Variants in PHF14 observed in about 807,000 individuals in gnomAD.
The protein encoded by PHF14 is PHD finger protein 14.
In PHF14, 55 loss-of-function variants were observed where a neutral mutation model predicts 117.9. The ratio of observed to expected loss-of-function variants is 0.47; its 90% CI spans 0.38 to 0.58. The LOEUF (loss-of-function observed/expected upper bound fraction) is 0.58. Among genes scored for constraint, PHF14 ranks in the 20% least tolerant of loss-of-function variants. PHF14 has a pLI of 0.00. For missense variants in PHF14, 978 were observed against 1,122.2 expected (o/e 0.87, Z 1.84); for synonymous variants, 409 against 368.6 (o/e 1.11, Z -1.26).
intron 3 of PHF14, among the ~76,000 whole-genome samples, chr7:10,987,496 G>A (rs1218478609): frequency 6.6e-6 from 1 of 151,916 alleles, no homozygotes; most frequent in Non-Finnish European, 1.5e-5. Context: ...TATCATTTTG[G>A]GGGTAAGTTT....
chr7:11,037,628 C>T (rs1422270668), intron 10 of PHF14, among the ~76,000 whole-genome samples: 4 of 151,896 alleles, frequency 2.6e-5, no homozygotes, highest in Non-Finnish European at 5.9e-5. Flanking sequence ...TTTCATGTAC[C>T]TCTTCATCGT....
chr7:11,085,975 A>G (rs980770571), intron 16 of PHF14, among the ~76,000 whole-genome samples: 1 of 152,106 alleles, frequency 6.6e-6, no homozygotes, highest in Admixed American at 6.5e-5. Context: ...ATTAGTTGTA[A>G]CTTGTCTAGT....
At chr7:11,157,630 C>G (rs1788904301) in intron 17 of PHF14, among the ~76,000 whole-genome samples, 2 of 152,106 alleles carry the variant, frequency 1.3e-5, no homozygotes, top group Non-Finnish European at 1.5e-5. Flanking sequence ...AAAAATGGAT[C>G]ATATTACATT....
At chr7:11,143,155 A>G (rs1290673916) in intron 17 of PHF14, among the ~76,000 whole-genome samples, 3 of 152,210 alleles carry the variant, frequency 2.0e-5, no homozygotes, top group African/African-American at 4.8e-5. Flanking sequence ...ACAAAATTGT[A>G]TTGAACTATG....
chr7:11,025,794 CA>C (rs200869700), intron 6 of PHF14, among the ~76,000 whole-genome samples: 3 of 146,772 alleles, frequency 2.0e-5, no homozygotes, highest in Admixed American at 1.4e-4. Context: ...GACTCCGTCT[CA>C]AAAAAAAAGA....
chr7:10,988,118 T>A (rs1165434818), intron 3 of PHF14, among the ~76,000 whole-genome samples: 2 of 152,110 alleles, frequency 1.3e-5, no homozygotes, highest in Non-Finnish European at 2.9e-5. Flanking sequence ...CATTGTCTGC[T>A]AGCCATTTAG....
chr7:11,031,667 T>A (rs963252322), intron 7 of PHF14, among the ~76,000 whole-genome samples: 1 of 151,548 alleles, frequency 6.6e-6, no homozygotes, highest in Non-Finnish European at 1.5e-5. Context: ...GGTGAGAGGA[T>A]CACATATACC....
At chr7:11,120,548 T>G (rs1003522749) in intron 17 of PHF14, among the ~76,000 whole-genome samples, 2 of 152,056 alleles carry the variant, frequency 1.3e-5, no homozygotes, top group African/African-American at 4.8e-5. Context: ...AATGTCCATT[T>G]GTTATAATTT....
rs1788057713 is a variant in PHF14 at position 11,130,250 on chromosome 7, A to AT, written c.2772+18783_2772+18784insT. Among the ~76,000 whole-genome samples, 1 of 152,018 alleles carries AT rather than the reference A, an allele frequency of 6.6e-6. No homozygotes were observed. The highest frequency in any genetic ancestry group is 2.4e-5 in the African/African-American group (1 of 41,424). Reference sequence around the variant, plus strand: ...CACTCCAGGCCACATTCCTCAGATGACGCAGTCAAACCTAACTTTAAGAAG... The same window carrying AT: ...CACTCCAGGCCACATTCCTCAGATGATCGCAGTCAAACCTAACTTTAAGAAG... On this transcript the variant is annotated intron_variant, in intron 17 of 17. Transcript: ENST00000634607. The surrounding 1 kb of genome is among the most constrained non-coding windows in gnomAD (Gnocchi z 4.2).
intron 16 of PHF14, chr7:11,063,788 A>G (rs1490766660): frequency 8.5e-6 from 5 of 586,408 alleles, no homozygotes; most frequent in East Asian, 1.4e-4. Flanking sequence ...AAAAAGTGCC[A>G]TCTTCTAATT....
chr7:11,118,133 C>T (rs1042631646), intron 17 of PHF14, among the ~76,000 whole-genome samples: 1 of 151,696 alleles, frequency 6.6e-6, no homozygotes, highest in African/African-American at 2.4e-5. Context: ...TGTAAAAAGT[C>T]TGGAAAAAAA....
At chr7:11,029,373 G>T (rs1462823280) in intron 7 of PHF14, among the ~76,000 whole-genome samples, 1 of 152,100 alleles carries the variant, frequency 6.6e-6, no homozygotes, top group Non-Finnish European at 1.5e-5. Context: ...CTATAAAAAT[G>T]TTACTTACTT....
intron 4 of PHF14, among the ~76,000 whole-genome samples, chr7:11,002,951 C>G (rs1200074512): frequency 6.6e-6 from 1 of 151,356 alleles, no homozygotes; most frequent in Non-Finnish European, 1.5e-5. Flanking sequence ...GGTGATTTTT[C>G]TTTCTTTTTT....
chr7:11,002,386 G>A (rs1365507274), intron 4 of PHF14, among the ~76,000 whole-genome samples: 1 of 151,984 alleles, frequency 6.6e-6, no homozygotes, highest in African/African-American at 2.4e-5. Flanking sequence ...CCTGGTATAA[G>A]GCAAATATCA....
chr7:11,093,703 C>T (rs1055351958), intron 16 of PHF14, among the ~76,000 whole-genome samples: 1 of 152,194 alleles, frequency 6.6e-6, no homozygotes, highest in African/African-American at 2.4e-5. Context: ...TTTCCTCATT[C>T]AAACTCAGCC....
intron 13 of PHF14, among the ~76,000 whole-genome samples, chr7:11,044,301 C>G (rs933780965): frequency 6.6e-6 from 1 of 151,796 alleles, no homozygotes; most frequent in Non-Finnish European, 1.5e-5. Context: ...GCATATACCC[C>G]CTGATCTAAA....
intron 17 of PHF14, among the ~76,000 whole-genome samples, chr7:11,153,774 G>A (rs1788766693): frequency 6.6e-6 from 1 of 152,016 alleles, no homozygotes; most frequent in South Asian, 2.1e-4. Context: ...AGAAAATTGG[G>A]TGGTTATAGG....
chr7:11,137,240 G>T (rs1480040074), intron 17 of PHF14, among the ~76,000 whole-genome samples: 2 of 152,170 alleles, frequency 1.3e-5, no homozygotes, highest in Non-Finnish European at 2.9e-5. Flanking sequence ...GCTGTGAGGG[G>T]AGGACTTTTG....
intron 17 of PHF14, among the ~76,000 whole-genome samples, chr7:11,157,405 G>A (rs896850886): frequency 6.6e-6 from 1 of 151,070 alleles, no homozygotes. Flanking sequence ...AAAAAAATAG[G>A]TGTTGATTGC....
Sources: allele counts gnomAD v4.1 joint callset (sites outside exome capture counted in the v4.1 genomes callset), GRCh38; gene constraint gnomAD v4.1.1; non-coding constraint Gnocchi (gnomAD v3.1); transcripts MANE v1.5; gene names NCBI Gene and HGNC (gene_info 2026-07-23, HGNC 2026-07-21).